Variants in TM9SF4 observed in about 807,000 individuals in gnomAD.
The protein encoded by TM9SF4 is transmembrane 9 superfamily member 4.
Under a neutral mutation model 90.4 loss-of-function variants are expected in TM9SF4, and 26 were observed. The ratio of observed to expected loss-of-function variants is 0.29; its 90% CI spans 0.21 to 0.40. The LOEUF is 0.40. TM9SF4 is among the 10% of genes least tolerant of loss of function. TM9SF4 has a pLI of 1.00. For missense variants in TM9SF4, 549 were observed against 834.8 expected, an observed-to-expected ratio of 0.66 and a Z score of 4.22; for synonymous variants, 293 against 315.4, an observed-to-expected ratio of 0.93 and a Z score of 0.75.
chr20:32,162,246 G>GGTC (rs558431532), intron 17 of TM9SF4, among the ~76,000 whole-genome samples: 169 of 152,330 alleles, frequency 1.1e-3, no homozygotes, highest in African/African-American at 3.9e-3. Context: ...TTGCAAAATA[G>GGTC]AGTTGTAGGT....
chr20:32,117,418 C>T (rs1282047823), intron 1 of TM9SF4, among the ~76,000 whole-genome samples: 1 of 152,054 alleles, frequency 6.6e-6, no homozygotes, highest in Admixed American at 6.5e-5. Context: ...GCAGAGGGCT[C>T]CAGAAAAAGT....
chr20:32,118,723 C>T (rs1428668872), intron 1 of TM9SF4, among the ~76,000 whole-genome samples: 1 of 151,940 alleles, frequency 6.6e-6, no homozygotes, highest in Non-Finnish European at 1.5e-5. Flanking sequence ...GCAACCTCCA[C>T]CTCCCAGGCT....
At chr20:32,121,680 C>T (rs1416325557) in intron 1 of TM9SF4, among the ~76,000 whole-genome samples, 1 of 152,246 alleles carries the variant, frequency 6.6e-6, no homozygotes, top group East Asian at 1.9e-4. Context: ...CACAAAGCCG[C>T]CACTGTCATC....
At chr20:32,115,778 G>A (rs1289757842) in intron 1 of TM9SF4, among the ~76,000 whole-genome samples, 7 of 134,498 alleles carry the variant, frequency 5.2e-5, no homozygotes, top group Non-Finnish European at 8.1e-5. Flanking sequence ...ATTTTTTATT[G>A]TGGTAATAAC....
chr20:32,117,562 G>T (rs1405551902), intron 1 of TM9SF4, among the ~76,000 whole-genome samples: 1 of 152,162 alleles, frequency 6.6e-6, no homozygotes, highest in Non-Finnish European at 1.5e-5. Context: ...GTGGCTGGGG[G>T]TACTTTTGAG....
intron 1 of TM9SF4, among the ~76,000 whole-genome samples, chr20:32,111,950 G>T (rs889935099): frequency 6.6e-6 from 1 of 152,146 alleles, no homozygotes; most frequent in Non-Finnish European, 1.5e-5. Context: ...GAAGGACTGC[G>T]GTCTACATTT....
chr20:32,123,701 G>T (rs2046369687), intron 1 of TM9SF4, among the ~76,000 whole-genome samples: 1 of 149,508 alleles, frequency 6.7e-6, no homozygotes, highest in Admixed American at 6.6e-5. Context: ...TTTATTCTTA[G>T]GAAACTTTCC....
intron 1 of TM9SF4, among the ~76,000 whole-genome samples, chr20:32,128,252 G>C (rs2046452499): frequency 6.6e-6 from 1 of 152,184 alleles, no homozygotes; most frequent in South Asian, 2.1e-4. Context: ...TAGTCAAAGA[G>C]AAATACAGAC....
intron 10 of TM9SF4, 131 bp from the exon 11 acceptor site, chr20:32,150,491 G>A (rs2046826342): frequency 1.0e-6 from 1 of 988,162 alleles, no homozygotes; most frequent in Admixed American, 2.0e-5. Context: ...GACAAGGGAG[G>A]GGGAGCCTCA....
chr20:32,158,100 C>T (rs2046957242), intron 14 of TM9SF4, 131 bp downstream of exon 14: 1 of 1,269,758 alleles, frequency 7.9e-7, no homozygotes, highest in African/African-American at 1.5e-5. Flanking sequence ...GAAAGCTTAA[C>T]TTCACTCCAA....
intron 1 of TM9SF4, among the ~76,000 whole-genome samples, chr20:32,119,781 ATAGAGGTTTTTGAGTTTTAGCT>A (rs1290652842): frequency 6.6e-6 from 1 of 151,960 alleles, no homozygotes; most frequent in East Asian, 1.9e-4. Context: ...TTTTTTCCGT[ATAGAGGTTTTTGAGTTTTAGCT>A]TTTTTGTTTA....
intron 3 of TM9SF4, chr20:32,137,069 C>G: frequency 2.2e-6 from 1 of 455,288 alleles, no homozygotes; most frequent in Admixed American, 2.3e-5. Context: ...AGGACCATCT[C>G]CCCCTAATAC....
chr20:32,138,464 A>T (rs915352282), intron 3 of TM9SF4, among the ~76,000 whole-genome samples: 3 of 152,238 alleles, frequency 2.0e-5, no homozygotes, highest in African/African-American at 7.2e-5. Flanking sequence ...TACAAAATTT[A>T]AAAAAATTTG....
At chr20:32,146,683 A>T in intron 8 of TM9SF4, 102 bp from the exon 9 acceptor site, 1 of 1,166,866 alleles carries the variant, frequency 8.6e-7, no homozygotes, top group South Asian at 1.4e-5. Context: ...CAAGCCGTGC[A>T]TGCCAGCTGT....
intron 1 of TM9SF4, among the ~76,000 whole-genome samples, chr20:32,113,806 G>A (rs2046183090): frequency 6.6e-6 from 1 of 152,146 alleles, no homozygotes; most frequent in East Asian, 1.9e-4. Flanking sequence ...CAAAAAGAGA[G>A]TCACTCCCTA....
chr20:32,133,830 G>A (rs1600806277), intron 2 of TM9SF4, among the ~76,000 whole-genome samples: 2 of 152,142 alleles, frequency 1.3e-5, no homozygotes, highest in East Asian at 1.9e-4. Context: ...TAGAGGAGAC[G>A]TGGTCTTTCT....
intron 2 of TM9SF4, 115 bp from the exon 3 acceptor site, chr20:32,135,959 G>C: frequency 5.0e-6 from 4 of 794,662 alleles, no homozygotes; most frequent in South Asian, 4.8e-5. Context: ...ATAGTGTACT[G>C]CTGTCATTTC....
At chr20:32,134,845 G>A (rs943379700) in intron 2 of TM9SF4, among the ~76,000 whole-genome samples, 1 of 151,810 alleles carries the variant, frequency 6.6e-6, no homozygotes, top group Non-Finnish European at 1.5e-5. Flanking sequence ...GCCGATTTTT[G>A]CATTTTTAGT....
At chr20:32,122,755 C>T (rs1283117782) in intron 1 of TM9SF4, among the ~76,000 whole-genome samples, 1 of 152,146 alleles carries the variant, frequency 6.6e-6, no homozygotes, top group Non-Finnish European at 1.5e-5. Flanking sequence ...CTCCTCACTT[C>T]CCAGACGGGG....
Sources: gnomAD v4.1 joint callset for allele counts (sites outside exome capture counted in the v4.1 genomes callset) on GRCh38, gnomAD v4.1.1 for gene constraint, MANE v1.5 for transcripts, NCBI Gene and HGNC (gene_info 2026-07-23, HGNC 2026-07-21) for gene names.